CPM: variants seen among roughly 807,000 people sequenced by gnomAD.
The protein encoded by CPM is carboxypeptidase M.
CPM carries 35 observed loss-of-function variants against 46.4 expected under a neutral mutation model. That is an observed-to-expected ratio of 0.75 (90% CI 0.58 to 1.00). The LOEUF (loss-of-function observed/expected upper bound fraction) is 1.00, where lower values mean the gene tolerates loss of function less well. CPM is among the 50% of genes least tolerant of loss of function. The pLI, the probability that CPM is intolerant of heterozygous loss-of-function variation, is 0.00. For synonymous variants in CPM, 195 were observed against 195.3 expected, an observed-to-expected ratio of 1.00 and a Z score of 0.01; for missense variants, 422 against 530.4, an observed-to-expected ratio of 0.80 and a Z score of 2.01.
chr12:68,943,453 T>C (rs1444571111), intron 1 of CPM, among the ~76,000 whole-genome samples: 1 of 152,194 alleles, frequency 6.6e-6, no homozygotes, highest in Non-Finnish European at 1.5e-5. Context: ...AGATAGTATA[T>C]GTTTATATTT....
At chr12:68,946,391 A>G (rs1024404721) in intron 1 of CPM, among the ~76,000 whole-genome samples, 2 of 152,178 alleles carry the variant, frequency 1.3e-5, no homozygotes, top group African/African-American at 4.8e-5. Flanking sequence ...ATGTTTTTTT[A>G]ATAAGGAATC....
chr12:68,858,733 GT>G lies in CPM; in HGVS notation c.1089+189del, dbSNP rs59714966. Among the ~76,000 whole-genome samples the G allele has an allele frequency of 1.6e-3, 151 of 96,778 alleles. 1 individual carries two copies. Among genetic ancestry groups the G allele is most frequent in the South Asian group, 0.012 (41 of 3,554 alleles). 63.5% of individuals were successfully genotyped at this position (96,778 alleles called of 152,430 possible). On this transcript the variant is annotated intron_variant, in intron 8 of 8. Coordinates refer to ENST00000551568, the MANE Select transcript of CPM (RefSeq NM_198320.5). The stretch of plus-strand genomic sequence containing the variant: ...CAGGGAAAAAATATGAATTTTTGTG[GT>G]TTTTTTTTTTTTCATATAATTTCCA...
intron 3 of CPM, among the ~76,000 whole-genome samples, chr12:68,881,193 G>A (rs1427201949): frequency 6.6e-6 from 1 of 152,126 alleles, no homozygotes; most frequent in Non-Finnish European, 1.5e-5. Context: ...ATGTGTATTA[G>A]CCACATTAAA....
chr12:68,923,760 C>T (rs750810614), intron 2 of CPM, among the ~76,000 whole-genome samples: 1 of 152,104 alleles, frequency 6.6e-6, no homozygotes, highest in Non-Finnish European at 1.5e-5. Flanking sequence ...TCACCGTGAA[C>T]ATATAGATTA....
In CPM at chr12:68,855,527, C is replaced by G. The variant is rs1884924156; in HGVS notation, c.*910G>C. 1.3e-5 allele frequency: 2 copies of G among 152,078 alleles called. No individual in the cohort carries two copies. The highest frequency in any genetic ancestry group is 2.9e-5 in the Non-Finnish European group (2 of 68,046). The allele number at this position is 152,078 out of a possible 1,614,324, so 9.4% of individuals were successfully genotyped here. A position where few individuals can be genotyped will look rare whatever the true frequency, so the allele number is the denominator to read the frequency against. On this transcript the variant is annotated 3_prime_UTR_variant, in exon 9 of 9. Transcript: ENST00000551568. ...TAATTGACCTGTATGCTTTGAAGCT[C>G]TATAGAGACACAATCTTATCCCTTC...
chr12:68,938,086 A>G (rs960618986), upstream of CPM, among the ~76,000 whole-genome samples: 4 of 152,212 alleles, frequency 2.6e-5, no homozygotes, highest in Non-Finnish European at 4.4e-5. Flanking sequence ...GGGAATAACT[A>G]TAGTCGGGGC....
rs750994607 is a variant in CPM at position 68,866,846 on chromosome 12, A to C, written c.940+50T>G. 4.6e-6 allele frequency: 7 copies of C among 1,521,410 alleles called. No individual in the cohort carries two copies. The Admixed American group carries it at 1.1e-4, about 23-fold the overall frequency. 94.2% of individuals were successfully genotyped at this position (1,521,410 alleles called of 1,614,324 possible). A position where few individuals can be genotyped will look rare whatever the true frequency, so the allele number is the denominator to read the frequency against. On this transcript the variant is annotated intron_variant, in intron 7 of 8. Coordinates refer to ENST00000551568, the MANE Select transcript of CPM (RefSeq NM_198320.5). Reference sequence around the variant, plus strand: ...GTTTAGTCAACCCAGAGGTCTTGCCAGATGCTCTATTTTGTATTAATAGGG... The same window carrying C: ...GTTTAGTCAACCCAGAGGTCTTGCCCGATGCTCTATTTTGTATTAATAGGG...
chr12:68,862,781 C>G (rs1272394736), intron 7 of CPM, among the ~76,000 whole-genome samples: 1 of 150,404 alleles, frequency 6.6e-6, no homozygotes, highest in African/African-American at 2.5e-5. Context: ...TGATTTATTT[C>G]TATATGCTGA....
intron 3 of CPM, among the ~76,000 whole-genome samples, chr12:68,884,464 AT>A (rs1886346303): frequency 2.0e-5 from 3 of 152,122 alleles, no homozygotes; most frequent in African/African-American, 7.2e-5. Flanking sequence ...GGAGTGTACC[AT>A]GAAGGGTAGA....
chr12:68,932,936 C>G (rs1888574459), intron 1 of CPM, 96 bp from the exon 2 acceptor site: 2 of 1,091,930 alleles, frequency 1.8e-6, no homozygotes. Flanking sequence ...CAGGGTCTCC[C>G]GACACTGACG....
chr12:68,868,170 C>T (rs754096642), intron 6 of CPM, among the ~76,000 whole-genome samples: 1 of 152,128 alleles, frequency 6.6e-6, no homozygotes, highest in Non-Finnish European at 1.5e-5. Context: ...ACAGGATGGG[C>T]CCTTTCTTAG....
chr12:68,946,573 A>G (rs934081954), intron 1 of CPM, among the ~76,000 whole-genome samples: 14 of 152,334 alleles, frequency 9.2e-5, no homozygotes, highest in South Asian at 2.1e-4. Context: ...GGAACCTTGT[A>G]AAAACAAGGT....
chr12:68,863,180 G>C (rs1363697822), intron 7 of CPM, among the ~76,000 whole-genome samples: 3 of 152,194 alleles, frequency 2.0e-5, no homozygotes, highest in Non-Finnish European at 4.4e-5. Flanking sequence ...GTGGCTCACA[G>C]GCTTCTGGAA....
At chr12:68,946,862 T>C (rs1888856451) in intron 1 of CPM, among the ~76,000 whole-genome samples, 1 of 152,170 alleles carries the variant, frequency 6.6e-6, no homozygotes, top group African/African-American at 2.4e-5. Context: ...CTGGAGTGTA[T>C]TTTACTCAGT....
In CPM at chr12:68,962,050, A is replaced by G. The variant is rs191397758; in HGVS notation, c.-4+1119T>C. 7.4e-3 allele frequency among the ~76,000 whole-genome samples: 1,124 copies of G among 152,134 alleles called. 10 individuals are homozygous for G. The highest frequency in any genetic ancestry group is 0.017 in the Middle Eastern group (5 of 294). On this transcript the variant is annotated intron_variant, in intron 1 of 8. Coordinates refer to the CPM transcript ENST00000546373. Reference sequence around the variant, plus strand: ...CCTGTCTCCACTGAAAATACAAAAAATTAGCCGGGCACGGTGGTGGGCGCC... The same window carrying G: ...CCTGTCTCCACTGAAAATACAAAAAGTTAGCCGGGCACGGTGGTGGGCGCC...
At chr12:68,914,535 T>G (rs1887730082) in intron 2 of CPM, among the ~76,000 whole-genome samples, 1 of 152,186 alleles carries the variant, frequency 6.6e-6, no homozygotes, top group African/African-American at 2.4e-5. Context: ...CTACCTCAAA[T>G]GTAAGTGGTT....
intron 8 of CPM, among the ~76,000 whole-genome samples, 177 bp from the exon 9 acceptor site, chr12:68,856,856 T>C (rs573804127): frequency 1.3e-5 from 2 of 152,354 alleles, no homozygotes; most frequent in South Asian, 4.1e-4. Flanking sequence ...CAATGCCTGT[T>C]GACAGAGACC....
At chr12:68,898,134 A>G (rs937620555) in intron 2 of CPM, among the ~76,000 whole-genome samples, 5 of 148,812 alleles carry the variant, frequency 3.4e-5, no homozygotes, top group African/African-American at 1.2e-4. Context: ...GATTACGGGC[A>G]TGAGCCACTG....
rs200621816 is a variant in CPM at position 68,870,237 on chromosome 12, G to A, written c.594C>T (p.Tyr198=). The A allele has an allele frequency of 6.2e-7, 1 of 1,613,902 alleles. No homozygotes were observed. Among genetic ancestry groups the A allele is most frequent in the Non-Finnish European group, 8.5e-7 (1 of 1,179,942 alleles). ...TACCTTGAACACCATTATCAAATGG[G>A]TAACTGGCCACGAGGGCACCACCAT... ...NLHGGALVAS[Y]PFDNGVQATG... The change falls in exon 5 of 9, where the codon TAC becomes TAT. Residue 198 remains tyrosine (Y), a synonymous_variant. Coordinates refer to ENST00000551568, the MANE Select transcript of CPM (RefSeq NM_198320.5).
Sources: gnomAD v4.1 joint callset for allele counts (sites outside exome capture counted in the v4.1 genomes callset) on GRCh38, gnomAD v4.1.1 for gene constraint, MANE v1.5 for transcripts, NCBI Gene and HGNC (gene_info 2026-07-23, HGNC 2026-07-21) for gene names.